Variants in DENND2B observed in about 807,000 individuals in gnomAD.
DENND2B encodes the protein DENN domain-containing protein 2B.
In DENND2B, 32 loss-of-function variants were observed where a neutral mutation model predicts 116.0. The ratio of observed to expected loss-of-function variants is 0.28; its 90% CI spans 0.21 to 0.37. DENND2B has a LOEUF of 0.37. DENND2B is among the 10% of genes least tolerant of loss of function. The pLI is 1.00. For synonymous variants in DENND2B, 588 were observed against 583.9 expected, an observed-to-expected ratio of 1.01 and a Z score of -0.10; for missense variants, 1,276 against 1,477.7, an observed-to-expected ratio of 0.86 and a Z score of 2.24.
intron 3 of DENND2B, among the ~76,000 whole-genome samples, chr11:8,854,954 C>T (rs1432439327): frequency 1.3e-5 from 2 of 152,060 alleles, no homozygotes; most frequent in African/African-American, 2.4e-5. Flanking sequence ...TCAAGTGATC[C>T]GCCTGCCTCG....
chr11:8,773,087 T>A (rs1269849558), intron 1 of DENND2B, among the ~76,000 whole-genome samples: 10 of 151,980 alleles, frequency 6.6e-5, no homozygotes, highest in African/African-American at 2.4e-4. Flanking sequence ...TCTGGAATGA[T>A]CTCATTGAAA....
chr11:8,825,228 G>A (rs1441421715), intron 4 of DENND2B, among the ~76,000 whole-genome samples: 1 of 152,154 alleles, frequency 6.6e-6, no homozygotes, highest in Non-Finnish European at 1.5e-5. Flanking sequence ...TGACTGGTGT[G>A]AGATGGTATC....
chr11:8,764,964 A>G (rs1317369887), intron 1 of DENND2B, among the ~76,000 whole-genome samples: 2 of 148,058 alleles, frequency 1.4e-5, no homozygotes, highest in Non-Finnish European at 3.0e-5. Flanking sequence ...AAAAAAAAAA[A>G]AGAATTAGAA....
intron 2 of DENND2B, among the ~76,000 whole-genome samples, chr11:8,859,419 T>C (rs999231722): frequency 1.3e-5 from 2 of 152,184 alleles, no homozygotes; most frequent in African/African-American, 4.8e-5. Context: ...GCCATTCTCC[T>C]GCCTCAGCCT....
chr11:8,782,954 A>T (rs909972334), intron 1 of DENND2B, among the ~76,000 whole-genome samples: 7 of 151,584 alleles, frequency 4.6e-5, no homozygotes, highest in African/African-American at 1.7e-4. Flanking sequence ...CGAACCAGTA[A>T]TTCCATTTTT....
chr11:8,761,546 G>A (rs537841645), intron 1 of DENND2B, among the ~76,000 whole-genome samples: 27 of 152,312 alleles, frequency 1.8e-4, no homozygotes, highest in African/African-American at 6.3e-4. Flanking sequence ...CACATGCCAG[G>A]AATGTTCATG....
At chr11:8,802,999 C>T (rs986250664) in intron 1 of DENND2B, among the ~76,000 whole-genome samples, 5 of 152,160 alleles carry the variant, frequency 3.3e-5, no homozygotes, top group African/African-American at 1.2e-4. Flanking sequence ...TATATGTTAG[C>T]CATTTGGGGA....
chr11:8,842,225 T>G (rs966087042), intron 3 of DENND2B, among the ~76,000 whole-genome samples: 3 of 152,228 alleles, frequency 2.0e-5, no homozygotes, highest in African/African-American at 7.2e-5. Flanking sequence ...TTAGAGACTT[T>G]TTTAAAAACA....
intron 11 of DENND2B, chr11:8,708,358 G>A: frequency 1.3e-5 from 13 of 983,398 alleles, no homozygotes; most frequent in Non-Finnish European, 1.3e-5. Context: ...CTGAAAACAA[G>A]AGATGGGAGC....
chr11:8,870,442 G>A (rs1268748603), intron 2 of DENND2B, among the ~76,000 whole-genome samples: 2 of 152,214 alleles, frequency 1.3e-5, no homozygotes, highest in African/African-American at 4.8e-5. Context: ...ACTTGTTGCA[G>A]TAATAGCATG....
intron 1 of DENND2B, among the ~76,000 whole-genome samples, chr11:8,899,753 G>A (rs530124709): frequency 6.6e-6 from 1 of 152,304 alleles, no homozygotes; most frequent in Non-Finnish European, 1.5e-5. Context: ...CAAATCTACA[G>A]AGAGGAATGT....
intron 14 of DENND2B, chr11:8,699,890 C>T (rs951350813): frequency 4.4e-6 from 2 of 456,308 alleles, no homozygotes; most frequent in Middle Eastern, 3.2e-4. Flanking sequence ...AGACCCCAGG[C>T]AGAACAGGAA....
At chr11:8,904,509 T>A (rs1034752680) in intron 1 of DENND2B, among the ~76,000 whole-genome samples, 1 of 152,170 alleles carries the variant, frequency 6.6e-6, no homozygotes, top group Non-Finnish European at 1.5e-5. Flanking sequence ...CCTCTAAAAT[T>A]GGGAACAAGG....
intron 2 of DENND2B, among the ~76,000 whole-genome samples, chr11:8,750,338 T>C (rs545092560): frequency 2.6e-5 from 4 of 152,266 alleles, no homozygotes; most frequent in Admixed American, 6.5e-5. Flanking sequence ...CTCCCCACCA[T>C]GGGAAAAGGT....
intron 1 of DENND2B, among the ~76,000 whole-genome samples, chr11:8,771,391 A>AGTGT (rs146509652): frequency 2.0e-5 from 3 of 151,062 alleles, no homozygotes; most frequent in Non-Finnish European, 3.0e-5. Context: ...AGGGGCTGTG[A>AGTGT]GTGTGTGTGT....
chr11:8,711,166 G>A lies in DENND2B; in HGVS notation c.2238C>T (p.Cys746=), dbSNP rs763108628. Residue 746 remains cysteine (C), a synonymous_variant, in exon 10 of 20, where the codon TGC becomes TGT. Transcript: ENST00000313726. ...EERLKAIPQF[C]FPDAKDWLPV... is the part of the protein sequence containing the mutation. ...GAAGCCAGTCCTTGGCATCAGGGAA[G>A]CAAAACTGGGGAATGGCTTTGAGCC... 2 of 1,614,034 alleles carry A rather than the reference G, an allele frequency of 1.2e-6. No individual in the cohort carries two copies. Among genetic ancestry groups the A allele is most frequent in the South Asian group, 2.2e-5 (2 of 91,092 alleles).
intron 1 of DENND2B, among the ~76,000 whole-genome samples, chr11:8,889,604 A>T (rs931633653): frequency 1.3e-5 from 2 of 152,208 alleles, no homozygotes; most frequent in Non-Finnish European, 2.9e-5. Context: ...TATCCCGCAC[A>T]TGGCTCGGAG....
rs150850085 is a variant in DENND2B, at chr11:8,779,183, C to T, written c.-25-28458G>A. ...GTGGAGGGGACAGAGCAGCTCTGGA[C>T]GGGGCTTCTGTGGGAGAGGAAATGT... On this transcript the variant is annotated intron_variant, in intron 1 of 19. Transcript: ENST00000313726. 5.4e-3 allele frequency among the ~76,000 whole-genome samples: 825 copies of T among 152,222 alleles called. 11 individuals carry two copies. Among genetic ancestry groups the T allele is most frequent in the African/African-American group, 0.019 (769 of 41,514 alleles).
At chr11:8,715,459 A>T in intron 6 of DENND2B, 144 bp downstream of exon 6, 1 of 725,406 alleles carries the variant, frequency 1.4e-6, no homozygotes, top group Non-Finnish European at 2.3e-6. Context: ...AAAAGAGGCC[A>T]GTGCACGGAC....
Sources: allele counts gnomAD v4.1 joint callset (sites outside exome capture counted in the v4.1 genomes callset), GRCh38; gene constraint gnomAD v4.1.1; transcripts MANE v1.5; gene names NCBI Gene and HGNC (gene_info 2026-07-23, HGNC 2026-07-21).